Variants in NDUFS4 observed in about 807,000 individuals in gnomAD.
The protein encoded by NDUFS4 is NADH dehydrogenase [ubiquinone] iron-sulfur protein 4, mitochondrial.
In NDUFS4, 28 loss-of-function variants were observed where a neutral mutation model predicts 24.3. The observed-to-expected ratio is 1.15, with a 90% CI of 0.85 to 1.58. The LOEUF is 1.58. Among genes scored for constraint, NDUFS4 ranks in the 40% most tolerant of loss-of-function variants. The probability of loss-of-function intolerance (pLI) is 0.00; values close to 1 mark genes in which losing one functional copy is unlikely to be tolerated. For synonymous variants in NDUFS4, 93 were observed against 69.7 expected (o/e 1.34, Z -1.67); for missense variants, 223 against 207.9 (o/e 1.07, Z -0.45).
At chr5:53,611,304 T>C (rs773473790) in intron 2 of NDUFS4, among the ~76,000 whole-genome samples, 1 of 151,942 alleles carries the variant, frequency 6.6e-6, no homozygotes, top group African/African-American at 2.4e-5. Flanking sequence ...CTTAGCATTT[T>C]CTAGTGCAAG....
chr5:53,581,932 C>T (rs13361795), intron 1 of NDUFS4, among the ~76,000 whole-genome samples: 2,357 of 152,304 alleles, frequency 0.015, 82 homozygotes, highest in African/African-American at 0.054. Context: ...TGAGCTAGGG[C>T]TGGGCGTGGT....
intron 1 of NDUFS4, among the ~76,000 whole-genome samples, chr5:53,582,301 C>G (rs1749596003): frequency 6.6e-6 from 1 of 150,960 alleles, no homozygotes; most frequent in Non-Finnish European, 1.5e-5. Flanking sequence ...TGAATAAAAA[C>G]AAGTAAGATA....
chr5:53,623,144 A>C (rs938374438), intron 2 of NDUFS4, among the ~76,000 whole-genome samples: 49 of 152,200 alleles, frequency 3.2e-4, no homozygotes, highest in African/African-American at 1.2e-3. Context: ...CCAAAGTAGA[A>C]TTGTTGGATC....
chr5:53,655,134 T>C (rs1175083361), intron 3 of NDUFS4, among the ~76,000 whole-genome samples: 2 of 152,196 alleles, frequency 1.3e-5, no homozygotes, highest in Non-Finnish European at 2.9e-5. Context: ...AGGCTTAATA[T>C]TGCTTTTTAA....
chr5:53,615,005 T>C (rs967610967), intron 2 of NDUFS4, among the ~76,000 whole-genome samples: 3 of 151,962 alleles, frequency 2.0e-5, no homozygotes, highest in Non-Finnish European at 4.4e-5. Flanking sequence ...TGAAAATTGC[T>C]TATCTAATTT....
chr5:53,626,032 C>T (rs1030284341), intron 2 of NDUFS4, among the ~76,000 whole-genome samples: 9 of 152,080 alleles, frequency 5.9e-5, no homozygotes, highest in Admixed American at 1.3e-4. Context: ...GCTATGCCTC[C>T]CCTAGCCCCC....
chr5:53,599,031 G>GT (rs1188582875), intron 1 of NDUFS4, among the ~76,000 whole-genome samples: 1 of 152,108 alleles, frequency 6.6e-6, no homozygotes, highest in Non-Finnish European at 1.5e-5. Context: ...ATGTTTTTAA[G>GT]TTTGTCAAAA....
intron 1 of NDUFS4, among the ~76,000 whole-genome samples, chr5:53,573,055 G>A (rs1039877582): frequency 2.8e-5 from 4 of 143,308 alleles, no homozygotes; most frequent in Non-Finnish European, 6.0e-5. Flanking sequence ...CTGCAGCCTT[G>A]ACTTCCCGGA....
intron 1 of NDUFS4, among the ~76,000 whole-genome samples, chr5:53,585,794 C>T (rs1749733930): frequency 6.7e-6 from 1 of 149,732 alleles, no homozygotes. Flanking sequence ...TACACCTGTG[C>T]CTGTGTGTAT....
At chr5:53,623,358 T>C (rs1751112787) in intron 2 of NDUFS4, among the ~76,000 whole-genome samples, 1 of 152,224 alleles carries the variant, frequency 6.6e-6, no homozygotes, top group Admixed American at 6.5e-5. Context: ...TTGCATGTTC[T>C]TAATAAATTA....
chr5:53,593,952 TGTC>T (rs1750054022), intron 1 of NDUFS4, among the ~76,000 whole-genome samples: 1 of 152,158 alleles, frequency 6.6e-6, no homozygotes, highest in African/African-American at 2.4e-5. Flanking sequence ...GTATGTTTTA[TGTC>T]CCAGAATGTG....
At chr5:53,564,207 G>T (rs747648497) in intron 1 of NDUFS4, among the ~76,000 whole-genome samples, 18 of 152,060 alleles carry the variant, frequency 1.2e-4, no homozygotes, top group Non-Finnish European at 2.2e-4. Context: ...AATTCGATGG[G>T]GAATTGAATT....
At chr5:53,564,057 G>C (rs545870890) in intron 1 of NDUFS4, among the ~76,000 whole-genome samples, 1 of 152,150 alleles carries the variant, frequency 6.6e-6, no homozygotes, top group East Asian at 1.9e-4. Context: ...ATCACCCAGA[G>C]GGTTTTAATT....
chr5:53,563,611 C>T (rs1748928206), intron 1 of NDUFS4, among the ~76,000 whole-genome samples: 1 of 151,894 alleles, frequency 6.6e-6, no homozygotes, highest in Admixed American at 6.6e-5. Context: ...AAGCGATTCT[C>T]CCGCCCCAGC....
At chr5:53,652,924 T>C (rs1407667236) in intron 3 of NDUFS4, among the ~76,000 whole-genome samples, 1 of 151,800 alleles carries the variant, frequency 6.6e-6, no homozygotes, top group African/African-American at 2.4e-5. Flanking sequence ...AAGATAACTA[T>C]TGGTTATTAA....
intron 3 of NDUFS4, among the ~76,000 whole-genome samples, chr5:53,646,976 G>C (rs966008521): frequency 2.0e-5 from 3 of 151,910 alleles, no homozygotes; most frequent in Non-Finnish European, 4.4e-5. Context: ...CCTCAGATAA[G>C]GGGGAATACT....
intron 1 of NDUFS4, among the ~76,000 whole-genome samples, chr5:53,602,935 C>T (rs1306266558): frequency 6.6e-6 from 1 of 152,162 alleles, no homozygotes; most frequent in Non-Finnish European, 1.5e-5. Flanking sequence ...TTTTATTTCT[C>T]CCATTTTGTG....
At chr5:53,623,251 C>T (rs1751107960) in intron 2 of NDUFS4, among the ~76,000 whole-genome samples, 1 of 152,160 alleles carries the variant, frequency 6.6e-6, no homozygotes, top group Non-Finnish European at 1.5e-5. Context: ...ACAAAGGTTC[C>T]AGTTTCTCTG....
intron 1 of NDUFS4, among the ~76,000 whole-genome samples, chr5:53,593,743 G>C: frequency 6.6e-6 from 1 of 151,438 alleles, no homozygotes; most frequent in Non-Finnish European, 1.5e-5. Context: ...TTTGAACATT[G>C]TATTTTCATT....
Sources: gnomAD v4.1 joint callset for allele counts (sites outside exome capture counted in the v4.1 genomes callset) on GRCh38, gnomAD v4.1.1 for gene constraint, MANE v1.5 for transcripts, NCBI Gene and HGNC (gene_info 2026-07-23, HGNC 2026-07-21) for gene names.